Variants in SREBF2 observed in about 807,000 individuals in gnomAD.
SREBF2 encodes the protein sterol regulatory element-binding protein 2.
Under a neutral mutation model 113.1 loss-of-function variants are expected in SREBF2, and 55 were observed. The observed-to-expected ratio is 0.49, with a 90% CI of 0.39 to 0.61. The LOEUF is 0.61. Ranked by LOEUF, SREBF2 falls within the 20% of genes least tolerant of loss-of-function variation. The pLI is 0.00. For synonymous variants in SREBF2, 593 were observed against 605.7 expected (o/e 0.98, Z 0.31); for missense variants, 1,349 against 1,487.4 (o/e 0.91, Z 1.53).
Position 41,905,680 on chromosome 22 carries a change from C to G in SREBF2, c.*20C>G, listed in dbSNP as rs1442612709. On this transcript the variant is annotated 3_prime_UTR_variant, in exon 19 of 19. Transcript: ENST00000361204. ...TCCTGACCACCAGGCTCAGCCCACC[C>G]CTCCACCTCTCTCTCGATTTCTCTC... 6.4e-7 allele frequency: 1 copy of G among 1,554,822 alleles called. No individual in the cohort carries two copies. The highest frequency in any genetic ancestry group is 8.7e-7 in the Non-Finnish European group (1 of 1,148,358).
intron 15 of SREBF2, 42 bp from the exon 16 acceptor site, chr22:41,900,288 A>C (rs1333366390): frequency 1.2e-6 from 2 of 1,603,276 alleles, no homozygotes; most frequent in Non-Finnish European, 1.7e-6. Flanking sequence ...CACGCAGGTG[A>C]CACATAGTGA....
At chr22:41,840,897 A>G (rs1479594367) in intron 1 of SREBF2, among the ~76,000 whole-genome samples, 1 of 152,186 alleles carries the variant, frequency 6.6e-6, no homozygotes, top group Admixed American at 6.5e-5. Context: ...CTGAGCCTGC[A>G]GAGGAACTTC....
intron 1 of SREBF2, among the ~76,000 whole-genome samples, chr22:41,843,591 C>T (rs1480022838): frequency 6.6e-6 from 1 of 152,140 alleles, no homozygotes; most frequent in Non-Finnish European, 1.5e-5. Flanking sequence ...ACTTTAGAAC[C>T]CATGTATTTT....
In SREBF2 at chr22:41,833,497, G is replaced by C. The variant is rs958823518; in HGVS notation, c.88+139G>C. ...ACCCCGTGCGCACGGTGCCCCCGGC[G>C]GTCCTCAACCCTTCCGGCGCTGCGA... On this transcript the variant is annotated intron_variant, in intron 1 of 18. Coordinates refer to ENST00000361204, the MANE Select transcript of SREBF2 (RefSeq NM_004599.4). The surrounding 1 kb of genome is among the most constrained non-coding windows in gnomAD (Gnocchi z 4.1). 1.4e-5 allele frequency: 9 copies of C among 654,238 alleles called. No individual in the cohort carries two copies. Among genetic ancestry groups the C allele is most frequent in the African/African-American group, 1.9e-5 (1 of 51,828 alleles). 40.5% of individuals were successfully genotyped at this position (654,238 alleles called of 1,614,324 possible).
chr22:41,864,249 TATATATATATATACAC>T (rs1480614417), intron 1 of SREBF2, among the ~76,000 whole-genome samples: 12 of 96,794 alleles, frequency 1.2e-4, no homozygotes, highest in African/African-American at 1.7e-4. Flanking sequence ...TATATATATA[TATATATATATATACAC>T]ACACACACAC....
At chr22:41,880,578 G>A in intron 9 of SREBF2, 138 bp from the exon 10 acceptor site, 1 of 1,147,662 alleles carries the variant, frequency 8.7e-7, no homozygotes, top group Non-Finnish European at 1.3e-6. Context: ...CTTTCTTGTA[G>A]CTTTCTGAAG....
chr22:41,889,872 G>A (rs987430563), intron 11 of SREBF2, among the ~76,000 whole-genome samples: 8 of 151,852 alleles, frequency 5.3e-5, no homozygotes, highest in Non-Finnish European at 1.2e-4. Context: ...ATCGTAGCAC[G>A]CACCTGTAAT....
chr22:41,863,174 C>A (rs2077041837), intron 1 of SREBF2, among the ~76,000 whole-genome samples: 1 of 152,130 alleles, frequency 6.6e-6, no homozygotes, highest in South Asian at 2.1e-4. Context: ...GCAAAGAGGC[C>A]AAGTGTGTAT....
Position 41,893,153 on chromosome 22 carries a change from C to A in SREBF2, c.2245C>A (p.Pro749Thr). Residue 749 changes from proline (P) to threonine (T), a missense_variant, in exon 12 of 19, where the codon CCC becomes ACC. Pro to Thr is a conservative substitution (Grantham distance 38). Transcript: ENST00000361204. ...FLSRAQSLCG[P>T]EHSAVPDSLR... is the part of the protein sequence containing the mutation. Reference sequence around the variant, plus strand: ...CAGCCGAGCCCAGAGCCTGTGTGGCCCCGAGCACAGTGCTGTTCCTGACTC... The same window carrying A: ...CAGCCGAGCCCAGAGCCTGTGTGGCACCGAGCACAGTGCTGTTCCTGACTC... 1 of 1,614,046 alleles carries A rather than the reference C, an allele frequency of 6.2e-7. No homozygotes were observed. The highest frequency in any genetic ancestry group is 8.5e-7 in the Non-Finnish European group (1 of 1,180,040).
At position 41,903,057 on chromosome 22, in the gene SREBF2, G is replaced by A. The variant is rs1433995232; in HGVS notation, c.2995G>A (p.Glu999Lys). 1.9e-6 allele frequency: 3 copies of A among 1,606,100 alleles called. No individual in the cohort carries two copies. Among genetic ancestry groups the A allele is most frequent in the East Asian group, 4.5e-5 (2 of 44,538 alleles). Residue 999 changes from glutamate (E) to lysine (K), a missense_variant, in exon 17 of 19, where the codon GAG becomes AAG. By Grantham distance (56) the Glu-to-Lys change is moderately conservative. Transcript: ENST00000361204. ...KQASASQAVGETYHASGAELA... is the reference protein window; with the variant it reads ...KQASASQAVGKTYHASGAELA... Reference sequence around the variant, plus strand: ...GGCCAGTGCCAGCCAGGCTGTGGGGGAGACCTACCACGCGTCAGGCGCTGA... The same window carrying A: ...GGCCAGTGCCAGCCAGGCTGTGGGGAAGACCTACCACGCGTCAGGCGCTGA...
chr22:41,881,580 C>G (rs949909153), intron 10 of SREBF2, among the ~76,000 whole-genome samples: 1 of 152,140 alleles, frequency 6.6e-6, no homozygotes, highest in Non-Finnish European at 1.5e-5. Context: ...GAGGGATGTT[C>G]CCAAGGAGGA....
chr22:41,901,534 A>G (rs898020004), intron 16 of SREBF2, among the ~76,000 whole-genome samples: 2 of 152,140 alleles, frequency 1.3e-5, no homozygotes, highest in Non-Finnish European at 2.9e-5. Flanking sequence ...GGTGGCATGT[A>G]TCTGTAATCC....
At chr22:41,888,912 A>T (rs1030596401) in intron 11 of SREBF2, among the ~76,000 whole-genome samples, 1 of 152,238 alleles carries the variant, frequency 6.6e-6, no homozygotes, top group African/African-American at 2.4e-5. Flanking sequence ...GTACTTTCTT[A>T]TAAAGGAAGA....
intron 15 of SREBF2, among the ~76,000 whole-genome samples, chr22:41,899,722 G>A (rs2077448453): frequency 6.6e-6 from 1 of 152,166 alleles, no homozygotes; most frequent in Non-Finnish European, 1.5e-5. Context: ...AGGACACTGA[G>A]ACTCAGCAGG....
At position 41,858,723 on chromosome 22, in the gene SREBF2, G is replaced by A. The variant is rs538016328; in HGVS notation, c.89-8108G>A. On this transcript the variant is annotated intron_variant, in intron 1 of 18. Transcript: ENST00000361204. ...GATCACATCACTGCACTCCAGCCTG[G>A]GTGACAGAGTAAGACCCTGTCTCTA... Among the ~76,000 whole-genome samples, 180 of 152,140 alleles carry A rather than the reference G, an allele frequency of 1.2e-3. 1 individual carries two copies. Among genetic ancestry groups the A allele is most frequent in the Admixed American group, 2.9e-3 (44 of 15,268 alleles).
intron 1 of SREBF2, among the ~76,000 whole-genome samples, chr22:41,863,219 G>C (rs1386318100): frequency 6.6e-6 from 1 of 152,190 alleles, no homozygotes; most frequent in Non-Finnish European, 1.5e-5. Context: ...GGAAACCAAG[G>C]CTTAAAGAGA....
At chr22:41,869,346 G>A (rs1602306468) in intron 3 of SREBF2, among the ~76,000 whole-genome samples, 3 of 150,486 alleles carry the variant, frequency 2.0e-5, no homozygotes, top group Admixed American at 6.6e-5. Flanking sequence ...CACCCGCCTC[G>A]GCCTCCCAAA....
intron 1 of SREBF2, among the ~76,000 whole-genome samples, chr22:41,866,469 G>GA (rs1438419072): frequency 2.6e-5 from 4 of 152,194 alleles, no homozygotes; most frequent in Admixed American, 2.0e-4. Flanking sequence ...AGAATCGCTT[G>GA]AACCCAGGAG....
intron 2 of SREBF2, among the ~76,000 whole-genome samples, chr22:41,868,068 G>C (rs914563031): frequency 6.6e-6 from 1 of 152,194 alleles, no homozygotes. Context: ...ACTGAAAGGG[G>C]CCTGTTCTTT....
Sources: allele counts gnomAD v4.1 joint callset (sites outside exome capture counted in the v4.1 genomes callset), GRCh38; gene constraint gnomAD v4.1.1; non-coding constraint Gnocchi (gnomAD v3.1); transcripts MANE v1.5; gene names NCBI Gene and HGNC (gene_info 2026-07-23, HGNC 2026-07-21).